Variants in AGAP1 observed in about 807,000 individuals in gnomAD.
AGAP1 encodes arf-GAP with GTPase, ANK repeat and PH domain-containing protein 1.
In AGAP1, 29 loss-of-function variants were observed where a neutral mutation model predicts 105.3. The ratio of observed to expected loss-of-function variants is 0.28; its 90% CI spans 0.21 to 0.38. The LOEUF is 0.38. AGAP1 is among the 10% of genes least tolerant of loss of function. The pLI is 1.00. For missense variants in AGAP1, 998 were observed against 1,165.1 expected (o/e 0.86, Z 2.09); for synonymous variants, 509 against 485.9 (o/e 1.05, Z -0.63).
intron 1 of AGAP1, among the ~76,000 whole-genome samples, chr2:235,560,105 T>A (rs1195953470): frequency 1.3e-5 from 2 of 152,040 alleles, no homozygotes; most frequent in African/African-American, 2.4e-5. Flanking sequence ...CTTCTAAGAG[T>A]TTTCTGATGG....
chr2:236,123,247 A>T lies in AGAP1; in HGVS notation c.2371-672A>T, dbSNP rs10186104. On this transcript the variant is annotated intron_variant, in intron 17 of 17. Transcript: ENST00000304032. The surrounding 1 kb of genome is among the most constrained non-coding windows in gnomAD (Gnocchi z 4.6). The stretch of plus-strand genomic sequence containing the variant: ...TGCCACGTGCCCAGCTAATTTTTTT[A>T]AAATGTGTTTTTTTCTAGAGACAGG... 0.026 allele frequency among the ~76,000 whole-genome samples: 3,934 copies of T among 152,136 alleles called. 175 individuals are homozygous for T. The highest frequency in any genetic ancestry group is 0.089 in the African/African-American group (3,676 of 41,470).
At chr2:236,004,047 C>A (rs1433540765) in intron 13 of AGAP1, among the ~76,000 whole-genome samples, 1 of 152,178 alleles carries the variant, frequency 6.6e-6, no homozygotes, top group Non-Finnish European at 1.5e-5. Flanking sequence ...CACCTCGTAT[C>A]TTGTGCCCCA....
intron 11 of AGAP1, among the ~76,000 whole-genome samples, chr2:235,914,172 G>A (rs146342328): frequency 7.4e-4 from 112 of 152,230 alleles, no homozygotes; most frequent in African/African-American, 2.6e-3. Context: ...GCTACTGGAT[G>A]TTTCTGTTGA....
At chr2:235,640,815 TTTTC>T (rs1947165620) in intron 1 of AGAP1, among the ~76,000 whole-genome samples, 1 of 152,176 alleles carries the variant, frequency 6.6e-6, no homozygotes, top group South Asian at 2.1e-4. Flanking sequence ...GGCAAATTCT[TTTTC>T]TTTCCACTTG....
At chr2:235,589,654 C>T (rs1213934626) in intron 1 of AGAP1, among the ~76,000 whole-genome samples, 2 of 152,008 alleles carry the variant, frequency 1.3e-5, no homozygotes, top group Admixed American at 6.6e-5. Flanking sequence ...TAAAATTATT[C>T]TGGATGACAG....
At chr2:235,933,741 C>T (rs1292252882) in intron 12 of AGAP1, among the ~76,000 whole-genome samples, 21 of 151,844 alleles carry the variant, frequency 1.4e-4, no homozygotes. Context: ...CCATGTTGGC[C>T]GGGATGGTCT....
rs2054027483 is a variant in AGAP1 at position 235,958,177 on chromosome 2, G to T, written c.1484-10285G>T. On this transcript the variant is annotated intron_variant, in intron 12 of 17. Transcript: ENST00000304032. The surrounding 1 kb of genome is among the most constrained non-coding windows in gnomAD (Gnocchi z 4.1). ...TTCGGGAACCATTGCAGCTCTCCCA[G>T]AGTGAGTGTTGCCTGCTCCTAGCAA... Among the ~76,000 whole-genome samples, 1 of 152,254 alleles carries T rather than the reference G, an allele frequency of 6.6e-6. No homozygotes were observed. Among genetic ancestry groups the T allele is most frequent in the African/African-American group, 2.4e-5 (1 of 41,548 alleles).
At chr2:235,502,731 A>G (rs1275084468) in intron 1 of AGAP1, among the ~76,000 whole-genome samples, 2 of 141,268 alleles carry the variant, frequency 1.4e-5, no homozygotes, top group African/African-American at 5.4e-5. Context: ...TAAGGGTGGG[A>G]AAACACTTTT....
In AGAP1 at chr2:236,105,657, A is replaced by ACCATTCTCCCGCGTTCACG. The variant is rs145069450; in HGVS notation, c.2115-14505_2115-14487dup. 0.01 allele frequency among the ~76,000 whole-genome samples: 1,513 copies of ACCATTCTCCCGCGTTCACG among 148,006 alleles called. 14 individuals are homozygous for ACCATTCTCCCGCGTTCACG. Among genetic ancestry groups the ACCATTCTCCCGCGTTCACG allele is most frequent in the South Asian group, 0.021 (99 of 4,616 alleles). Reference sequence around the variant, plus strand: ...TGCAACCTCCGCCTCCCGGGTTCACACCATTCTCCCGCGTTCACGCCATTC... The same window carrying ACCATTCTCCCGCGTTCACG: ...TGCAACCTCCGCCTCCCGGGTTCACACCATTCTCCCGCGTTCACGCCATTCTCCCGCGTTCACGCCATTC... On this transcript the variant is annotated intron_variant, in intron 16 of 17. Coordinates refer to ENST00000304032, the MANE Select transcript of AGAP1 (RefSeq NM_001037131.3). The surrounding 1 kb of genome is among the most constrained non-coding windows in gnomAD (Gnocchi z 4.2).
chr2:235,693,683 G>T (rs374850122), intron 1 of AGAP1, among the ~76,000 whole-genome samples: 3 of 152,120 alleles, frequency 2.0e-5, no homozygotes, highest in Non-Finnish European at 4.4e-5. Flanking sequence ...GTGAGGCCTC[G>T]TCTCCAAAAA....
At chr2:235,649,195 G>T (rs868647319) in intron 1 of AGAP1, among the ~76,000 whole-genome samples, 1 of 152,154 alleles carries the variant, frequency 6.6e-6, no homozygotes, top group Admixed American at 6.5e-5. Flanking sequence ...GCTCCTCGGG[G>T]GAGGATTTTG....
intron 13 of AGAP1, among the ~76,000 whole-genome samples, chr2:236,007,809 C>T (rs976745535): frequency 6.6e-6 from 1 of 152,224 alleles, no homozygotes; most frequent in African/African-American, 2.4e-5. Context: ...GCATCACCAG[C>T]CCCCAGCCTG....
Position 235,687,325 on chromosome 2 carries a change from C to A in AGAP1, c.164-21854C>A, listed in dbSNP as rs1025410353. Among the ~76,000 whole-genome samples, 3 of 152,256 alleles carry A rather than the reference C, an allele frequency of 2.0e-5. No individual in the cohort carries two copies. The East Asian group carries it at 5.8e-4, about 29-fold the overall frequency. ...TGATCCTTTGGAAGGAGATTAAGTT[C>A]TCCGGTTCCATCAGGTGTAATGATT... On this transcript the variant is annotated intron_variant, in intron 1 of 17. Coordinates refer to ENST00000304032, the MANE Select transcript of AGAP1 (RefSeq NM_001037131.3).
intron 1 of AGAP1, among the ~76,000 whole-genome samples, chr2:235,519,332 C>G (rs1303900207): frequency 1.3e-5 from 2 of 152,106 alleles, no homozygotes; most frequent in Non-Finnish European, 2.9e-5. Context: ...TATGGCCTCC[C>G]GAGTTGCTGG....
rs1156658703 is a variant in AGAP1, at chr2:235,866,644, A to G, written c.1051-16701A>G. 6.6e-6 allele frequency among the ~76,000 whole-genome samples: 1 copy of G among 152,222 alleles called. No homozygotes were observed. Among genetic ancestry groups the G allele is most frequent in the East Asian group, 1.9e-4 (1 of 5,198 alleles). On this transcript the variant is annotated intron_variant, in intron 9 of 17. Coordinates refer to ENST00000304032, the MANE Select transcript of AGAP1 (RefSeq NM_001037131.3). The surrounding 1 kb of genome is among the most constrained non-coding windows in gnomAD (Gnocchi z 6.1). ...TGTGTGTGAGTCAGCTCAAACTGCC[A>G]TAACAGAAGACCACAGACTTTGTCT...
chr2:235,805,030 AT>A (rs1426558523), intron 8 of AGAP1, among the ~76,000 whole-genome samples: 1 of 152,174 alleles, frequency 6.6e-6, no homozygotes, highest in African/African-American at 2.4e-5. Flanking sequence ...ATTGGATTTG[AT>A]TTAGTCTGGT....
intron 13 of AGAP1, among the ~76,000 whole-genome samples, chr2:236,031,435 C>G (rs2057221660): frequency 6.6e-6 from 1 of 152,152 alleles, no homozygotes; most frequent in African/African-American, 2.4e-5. Context: ...TCTCCAGGAG[C>G]CTGGAGCCAG....
intron 13 of AGAP1, among the ~76,000 whole-genome samples, chr2:236,010,386 A>G (rs1576048939): frequency 6.6e-6 from 1 of 152,340 alleles, no homozygotes; most frequent in South Asian, 2.1e-4. Context: ...AGCTGAGTAT[A>G]TTATGCCAGG....
Position 235,974,110 on chromosome 2 carries a change from G to C in AGAP1, c.1645+5487G>C, listed in dbSNP as rs572733011. Among the ~76,000 whole-genome samples, 4 of 152,320 alleles carry C rather than the reference G, an allele frequency of 2.6e-5. No individual in the cohort carries two copies. The South Asian group carries it at 8.3e-4, about 32-fold the overall frequency. ...TAACATTCATGCAAGTTTGCATTAA[G>C]TGCTAATTTCCCTGTTTCCCCAGTG... is the stretch of plus-strand genomic sequence containing the variant. On this transcript the variant is annotated intron_variant, in intron 13 of 17. Coordinates refer to ENST00000304032, the MANE Select transcript of AGAP1 (RefSeq NM_001037131.3).
Sources: allele counts gnomAD v4.1 joint callset (sites outside exome capture counted in the v4.1 genomes callset), GRCh38; gene constraint gnomAD v4.1.1; non-coding constraint Gnocchi (gnomAD v3.1); transcripts MANE v1.5; gene names NCBI Gene and HGNC (gene_info 2026-07-23, HGNC 2026-07-21).